CCDC181: variants seen among roughly 807,000 people sequenced by gnomAD.
The protein encoded by CCDC181 is coiled-coil domain containing 181.
Under a neutral mutation model 58.7 loss-of-function variants are expected in CCDC181, and 35 were observed. That is an observed-to-expected ratio of 0.60 (90% CI 0.46 to 0.79). The LOEUF (loss-of-function observed/expected upper bound fraction) is 0.79, where lower values mean the gene tolerates loss of function less well. Among genes scored for constraint, CCDC181 ranks in the 30% least tolerant of loss-of-function variants. The pLI, the probability that CCDC181 is intolerant of heterozygous loss-of-function variation, is 0.00. For synonymous variants in CCDC181, 183 were observed against 197.5 expected (o/e 0.93, Z 0.62); for missense variants, 517 against 583.9 (o/e 0.89, Z 1.18).
rs141842006 is a variant in CCDC181, at chr1:169,456,210, A to G, written c.-24+3587T>C. Reference sequence around the variant, plus strand: ...AGGAAGTGGCTAGGAACCTTGCCGAACTATTCAAGAGCTCCTCCTTAACTC... The same window carrying G: ...AGGAAGTGGCTAGGAACCTTGCCGAGCTATTCAAGAGCTCCTCCTTAACTC... On this transcript the variant is annotated intron_variant, in intron 2 of 6. Coordinates refer to the CCDC181 transcript ENST00000545005. Among the ~76,000 whole-genome samples the G allele has an allele frequency of 6.2e-3, 947 of 152,200 alleles. 9 individuals are homozygous for G. The highest frequency in any genetic ancestry group is 0.022 in the African/African-American group (894 of 41,520).
intron 4 of CCDC181, among the ~76,000 whole-genome samples, chr1:169,403,650 C>A (rs1401501806): frequency 6.6e-6 from 1 of 152,194 alleles, no homozygotes; most frequent in Non-Finnish European, 1.5e-5. Context: ...CTCTGGGACA[C>A]ATTTAAAGCA....
At chr1:169,434,471 AT>A (rs1247826941) in intron 2 of CCDC181, among the ~76,000 whole-genome samples, 1 of 152,050 alleles carries the variant, frequency 6.6e-6, no homozygotes. Context: ...CTTGAAAAAA[AT>A]ATTTGTACAG....
chr1:169,421,912 T>G lies in CCDC181; in HGVS notation c.519A>C (p.Lys173Asn), dbSNP rs1262718786. ...VPPLEDTTTF[K>N]NYFENERNMF... ...TATTCCTTTCGTTTTCAAAATAATT[T>G]TTAAAAGTAGTAGTGTCTTCTAGTG... is the stretch of plus-strand genomic sequence containing the variant. The change falls in exon 3 of 6, where the codon AAA becomes AAC. Residue 173 changes from lysine (K) to asparagine (N), a missense_variant. By Grantham distance (94) the Lys-to-Asn change is moderately conservative (BLOSUM62 0). Coordinates refer to ENST00000367806, the MANE Select transcript of CCDC181 (RefSeq NM_001300969.2). 1 of 1,613,850 alleles carries G rather than the reference T, an allele frequency of 6.2e-7. No individual in the cohort carries two copies.
intron 4 of CCDC181, among the ~76,000 whole-genome samples, chr1:169,401,397 C>G (rs969873755): frequency 1.3e-5 from 2 of 152,230 alleles, no homozygotes; most frequent in African/African-American, 4.8e-5. Flanking sequence ...GAGACACCTC[C>G]CAGTAGGGGC....
At chr1:169,401,229 A>G (rs1038366190) in intron 4 of CCDC181, among the ~76,000 whole-genome samples, 7 of 152,224 alleles carry the variant, frequency 4.6e-5, no homozygotes, top group Non-Finnish European at 2.9e-5. Flanking sequence ...GGGGCAAGAC[A>G]CAGCTGAACA....
At chr1:169,448,101 T>C (rs917391583) in intron 2 of CCDC181, among the ~76,000 whole-genome samples, 1 of 152,162 alleles carries the variant, frequency 6.6e-6, no homozygotes, top group Non-Finnish European at 1.5e-5. Context: ...GTAGTGCAGG[T>C]ACCTAATAAC....
At chr1:169,453,099 C>T (rs1248318422) in intron 2 of CCDC181, among the ~76,000 whole-genome samples, 2 of 151,500 alleles carry the variant, frequency 1.3e-5, no homozygotes, top group Admixed American at 1.3e-4. Context: ...AAAAGAAACG[C>T]TATGAGATAG....
At chr1:169,432,137 T>A (rs977762030), upstream of CCDC181, among the ~76,000 whole-genome samples, 6 of 151,914 alleles carry the variant, frequency 3.9e-5, no homozygotes, top group African/African-American at 1.5e-4. Flanking sequence ...AAAATGGAAA[T>A]ATCAATAAAT....
intron 2 of CCDC181, among the ~76,000 whole-genome samples, chr1:169,451,887 G>A (rs1657552330): frequency 6.6e-6 from 1 of 152,068 alleles, no homozygotes; most frequent in South Asian, 2.1e-4. Context: ...TGAGATCCAA[G>A]AGAACCAGCG....
chr1:169,405,462 T>G (rs1655595516), intron 4 of CCDC181, among the ~76,000 whole-genome samples: 1 of 152,136 alleles, frequency 6.6e-6, no homozygotes, highest in South Asian at 2.1e-4. Context: ...AACAGAGATA[T>G]AGACCAGTGG....
At chr1:169,441,920 TATG>T (rs1382405079) in intron 2 of CCDC181, among the ~76,000 whole-genome samples, 1 of 152,080 alleles carries the variant, frequency 6.6e-6, no homozygotes, top group African/African-American at 2.4e-5. Flanking sequence ...TAGTCTGAAA[TATG>T]ATCCCGGAAA....
chr1:169,419,032 A>G lies in CCDC181; in HGVS notation c.1196T>C (p.Ile399Thr), dbSNP rs566834347. 12 of 1,613,338 alleles carry G rather than the reference A, an allele frequency of 7.4e-6. No individual in the cohort carries two copies. The highest frequency in any genetic ancestry group is 2.7e-5 in the African/African-American group (2 of 74,868). The change falls in exon 4 of 6, where the codon ATT (isoleucine) becomes ACT (threonine). Residue 399 changes from isoleucine to threonine, a missense_variant. Transcript: ENST00000367806. ...EMRRIQRAKE[I>T]EDMNSRQENR... Reference sequence around the variant, plus strand: ...ACTTACTCTACTGTTCATGTCTTCAATTTCCTTTGCTCGCTGAATTCTCCT... The same window carrying G: ...ACTTACTCTACTGTTCATGTCTTCAGTTTCCTTTGCTCGCTGAATTCTCCT...
chr1:169,456,731 C>G (rs1236173177), intron 2 of CCDC181, among the ~76,000 whole-genome samples: 1 of 152,164 alleles, frequency 6.6e-6, no homozygotes, highest in Non-Finnish European at 1.5e-5. Context: ...GCTTTCACCA[C>G]ATGCAGTCAA....
chr1:169,424,198 T>C (rs1186144959), intron 2 of CCDC181, among the ~76,000 whole-genome samples: 1 of 151,936 alleles, frequency 6.6e-6, no homozygotes, highest in African/African-American at 2.4e-5. Context: ...AGAAATAACC[T>C]ACCTTGATGC....
At chr1:169,446,971 T>C (rs983357772) in intron 2 of CCDC181, among the ~76,000 whole-genome samples, 1 of 151,778 alleles carries the variant, frequency 6.6e-6, no homozygotes, top group Non-Finnish European at 1.5e-5. Flanking sequence ...CTTGAGACTT[T>C]GACACATGTT....
intron 2 of CCDC181, among the ~76,000 whole-genome samples, chr1:169,457,331 A>T (rs1292786705): frequency 1.3e-5 from 2 of 151,882 alleles, no homozygotes; most frequent in Non-Finnish European, 2.9e-5. Flanking sequence ...CTTCTCCTCC[A>T]TTCTATCTAT....
At chr1:169,408,647 C>T (rs930770773) in intron 4 of CCDC181, among the ~76,000 whole-genome samples, 1 of 152,092 alleles carries the variant, frequency 6.6e-6, no homozygotes, top group Non-Finnish European at 1.5e-5. Context: ...CACAGGAGAG[C>T]TCTGGAGAGT....
intron 2 of CCDC181, among the ~76,000 whole-genome samples, 186 bp from the exon 3 acceptor site, chr1:169,422,499 C>G (rs1163967025): frequency 6.6e-6 from 1 of 152,044 alleles, no homozygotes; most frequent in Non-Finnish European, 1.5e-5. Flanking sequence ...AATGTGACAG[C>G]AATGCAGGAA....
intron 4 of CCDC181, among the ~76,000 whole-genome samples, chr1:169,416,689 T>C (rs1294338919): frequency 2.0e-5 from 3 of 152,236 alleles, no homozygotes; most frequent in African/African-American, 7.2e-5. Context: ...GTACATGTTA[T>C]TACTGATCCA....
Sources: allele counts gnomAD v4.1 joint callset (sites outside exome capture counted in the v4.1 genomes callset), GRCh38; gene constraint gnomAD v4.1.1; transcripts MANE v1.5; gene names NCBI Gene and HGNC (gene_info 2026-07-23, HGNC 2026-07-21).